The following TM7SF3 variants were observed in gnomAD, a reference collection of about 807,000 sequenced individuals.
TM7SF3 encodes the protein transmembrane 7 superfamily member 3.
A neutral mutation model predicts 65.5 loss-of-function variants in TM7SF3; 60 were observed. The observed-to-expected ratio is 0.92, with a 90% CI of 0.74 to 1.14. The LOEUF (loss-of-function observed/expected upper bound fraction) is 1.14. Ranked by LOEUF, TM7SF3 falls within the 50% of genes most tolerant of loss-of-function variation. The pLI is 0.00. For synonymous variants in TM7SF3, 264 were observed against 259.6 expected (o/e 1.02, Z -0.16); for missense variants, 623 against 684.8 (o/e 0.91, Z 1.01).
chr12:26,991,077 T>A (rs1940335888), intron 5 of TM7SF3, among the ~76,000 whole-genome samples: 1 of 152,136 alleles, frequency 6.6e-6, no homozygotes. Flanking sequence ...TACCCACTTA[T>A]TTTTGTCTAA....
At chr12:26,992,972 T>C (rs1055410245) in intron 5 of TM7SF3, among the ~76,000 whole-genome samples, 1 of 145,994 alleles carries the variant, frequency 6.8e-6, no homozygotes, top group African/African-American at 2.5e-5. Context: ...TGCAGTGGCG[T>C]GATCTCAGCT....
intron 6 of TM7SF3, among the ~76,000 whole-genome samples, chr12:26,985,052 T>C (rs1939982889): frequency 6.6e-6 from 1 of 152,182 alleles, no homozygotes; most frequent in Non-Finnish European, 1.5e-5. Context: ...GGTTCAACTT[T>C]GGGCGGGAAG....
At chr12:26,975,352 G>T (rs1010812184) in intron 11 of TM7SF3, 144 bp downstream of exon 11, 1 of 679,284 alleles carries the variant, frequency 1.5e-6, no homozygotes, top group Non-Finnish European at 2.4e-6. Flanking sequence ...ATAACAGAGG[G>T]TTCTCACAGC....
chr12:26,981,320 C>T (rs551902695), intron 7 of TM7SF3, among the ~76,000 whole-genome samples: 4 of 152,202 alleles, frequency 2.6e-5, no homozygotes, highest in African/African-American at 9.6e-5. Context: ...TAAAATGATA[C>T]ATATCAACAC....
rs781602488 is a variant in TM7SF3 at position 26,996,729 on chromosome 12, G to C, written c.518+13C>G. ...TTCTAAAAGCATTTCTCAGACATGG[G>C]AGACAGACGTACCTCGCATAGCCTA... On this transcript the variant is annotated intron_variant, in intron 4 of 11. Transcript: ENST00000343028. 6.2e-7 allele frequency: 1 copy of C among 1,603,848 alleles called. No individual in the cohort carries two copies. Among genetic ancestry groups the C allele is most frequent in the East Asian group, 2.2e-5 (1 of 44,614 alleles).
intron 10 of TM7SF3, 144 bp from the exon 11 acceptor site, chr12:26,975,802 T>C: frequency 1.2e-6 from 1 of 806,056 alleles, no homozygotes; most frequent in Non-Finnish European, 1.9e-6. Context: ...TGAACAGAAG[T>C]TCCCTGGAAA....
Position 26,996,860 on chromosome 12 carries a change from G to C in TM7SF3, c.400C>G (p.Pro134Ala), listed in dbSNP as rs1940621007. ...AILLSYSERD[P>A]VPGGCNLEFD... ...TCCAAATTACAGCCTCCAGGGACAG[G>C]ATCTGGATAAGAAATAGGGAAGTTA... Residue 134 changes from proline to alanine, a missense_variant and splice_region_variant, in exon 4 of 12, where the codon CCT becomes GCT. Coordinates refer to ENST00000343028, the MANE Select transcript of TM7SF3 (RefSeq NM_016551.3). 2.5e-6 allele frequency: 4 copies of C among 1,606,508 alleles called. No individual in the cohort carries two copies. Among genetic ancestry groups the C allele is most frequent in the Non-Finnish European group, 3.4e-6 (4 of 1,177,756 alleles).
At chr12:26,991,088 C>T (rs914013267) in intron 5 of TM7SF3, among the ~76,000 whole-genome samples, 1 of 150,272 alleles carries the variant, frequency 6.7e-6, no homozygotes, top group African/African-American at 2.4e-5. Context: ...TTTTGTCTAA[C>T]AGTCTCTGAA....
At chr12:26,996,315 C>G (rs1400900308) in intron 4 of TM7SF3, among the ~76,000 whole-genome samples, 1 of 152,124 alleles carries the variant, frequency 6.6e-6, no homozygotes, top group East Asian at 1.9e-4. Context: ...CACTCAGCAC[C>G]ACGGACAATG....
At position 26,996,831 on chromosome 12, in the gene TM7SF3, G is replaced by T. The variant is rs377262995; in HGVS notation, c.429C>A (p.Phe143Leu). Residue 143 changes from phenylalanine to leucine, a missense_variant, in exon 4 of 12, where the codon TTC becomes TTA. By Grantham distance (22) the Phe-to-Leu change is conservative (BLOSUM62 0). Transcript: ENST00000343028. ...AAATGTTGGGATCAATATCTAAATC[G>T]AACTCCAAATTACAGCCTCCAGGGA... ...DPVPGGCNLE[F>L]DLDIDPNIYL... 1.2e-6 allele frequency: 2 copies of T among 1,612,580 alleles called. No homozygotes were observed.
intron 5 of TM7SF3, among the ~76,000 whole-genome samples, 188 bp from the exon 6 acceptor site, chr12:26,990,815 GCT>G (rs555091250): frequency 7.7e-4 from 117 of 152,266 alleles, no homozygotes; most frequent in Non-Finnish European, 1.3e-3. Context: ...ATGTAAACAA[GCT>G]CTCACACAAA....
chr12:26,980,187 G>A (rs1361325137), intron 8 of TM7SF3: 17 of 573,456 alleles, frequency 3.0e-5, no homozygotes, highest in Non-Finnish European at 4.9e-5. Context: ...AATAAATTGG[G>A]ATTGAGAAGG....
intron 2 of TM7SF3, among the ~76,000 whole-genome samples, chr12:27,000,158 C>G (rs1039869314): frequency 6.6e-6 from 1 of 152,206 alleles, no homozygotes; most frequent in Non-Finnish European, 1.5e-5. Flanking sequence ...GACCTAATCA[C>G]TTCCCAAAGA....
intron 6 of TM7SF3, among the ~76,000 whole-genome samples, chr12:26,986,790 C>A (rs187798449): frequency 3.0e-4 from 46 of 152,332 alleles, no homozygotes; most frequent in African/African-American, 1.1e-3. Context: ...CACCTCTCCA[C>A]TGCAACAGCT....
chr12:26,986,486 C>A (rs1191786950), intron 6 of TM7SF3, among the ~76,000 whole-genome samples: 1 of 152,150 alleles, frequency 6.6e-6, no homozygotes, highest in Non-Finnish European at 1.5e-5. Flanking sequence ...CCCAATCTCT[C>A]TTCCCCACTG....
chr12:26,975,841 A>G (rs1298285698), intron 10 of TM7SF3, 183 bp from the exon 11 acceptor site: 1 of 605,046 alleles, frequency 1.7e-6, no homozygotes, highest in East Asian at 2.8e-5. Context: ...TTCAACATCC[A>G]TATGAGTTCT....
chr12:26,980,575 T>A lies in TM7SF3; in HGVS notation c.1027A>T (p.Lys343Ter). Reference sequence around the variant, plus strand: ...TATAATTTTCACTTACCATCATACTTGATAGGTGTCAGTCTTGTAATCAGT... The same window carrying A: ...TATAATTTTCACTTACCATCATACTAGATAGGTGTCAGTCTTGTAATCAGT... ...YILITRLTPIKYDVNLILTAV... is the reference protein window; with the variant it reads ...YILITRLTPI The change falls in exon 8 of 12, where the codon AAG (lysine) becomes TAG (stop). Residue 343 changes from lysine to a stop codon, truncating the protein, a stop_gained. Coordinates refer to ENST00000343028, the MANE Select transcript of TM7SF3 (RefSeq NM_016551.3). LOFTEE classifies it high-confidence loss of function. 6.7e-7 allele frequency: 1 copy of A among 1,493,360 alleles called. No homozygotes were observed. Among genetic ancestry groups the A allele is most frequent in the East Asian group, 2.3e-5 (1 of 44,084 alleles). The allele number at this position is 1,493,360 out of a possible 1,614,324, so 92.5% of individuals were successfully genotyped here.
intron 9 of TM7SF3, among the ~76,000 whole-genome samples, chr12:26,977,263 C>G (rs1276797896): frequency 6.6e-6 from 1 of 152,200 alleles, no homozygotes; most frequent in Non-Finnish European, 1.5e-5. Flanking sequence ...TTAACCTTCA[C>G]AAAATACATA....
chr12:26,985,482 G>A (rs942051843), intron 6 of TM7SF3, among the ~76,000 whole-genome samples: 12 of 151,356 alleles, frequency 7.9e-5, no homozygotes, highest in Non-Finnish European at 1.6e-4. Context: ...AAAATTAGCA[G>A]GGTGTGGTGG....
Sources: allele counts gnomAD v4.1 joint callset (sites outside exome capture counted in the v4.1 genomes callset), GRCh38; gene constraint gnomAD v4.1.1; transcripts MANE v1.5; gene names NCBI Gene and HGNC (gene_info 2026-07-23, HGNC 2026-07-21).